Variants in PRDM5 observed in about 807,000 individuals in gnomAD.
The protein encoded by PRDM5 is PR/SET domain 5.
PRDM5 carries 56 observed loss-of-function variants against 81.2 expected under a neutral mutation model. The observed-to-expected ratio is 0.69, with a 90% confidence interval of 0.56 to 0.86. The LOEUF is 0.86. PRDM5 is among the 40% of genes least tolerant of loss of function. PRDM5 has a pLI of 0.00. For synonymous variants in PRDM5, 267 were observed against 256.4 expected (o/e 1.04, Z -0.39); for missense variants, 697 against 770.1 (o/e 0.91, Z 1.12).
At chr4:120,880,174 A>G (rs1762710780) in intron 2 of PRDM5, among the ~76,000 whole-genome samples, 1 of 152,198 alleles carries the variant, frequency 6.6e-6, no homozygotes, top group Non-Finnish European at 1.5e-5. Context: ...ATATACTTCA[A>G]AAAACAAAGT....
chr4:120,903,825 C>G (rs1380296391), intron 2 of PRDM5, among the ~76,000 whole-genome samples: 2 of 152,164 alleles, frequency 1.3e-5, no homozygotes, highest in Non-Finnish European at 2.9e-5. Context: ...GTAAAACATG[C>G]CTCTGCTTCT....
intron 14 of PRDM5, among the ~76,000 whole-genome samples, chr4:120,747,273 G>A (rs929434851): frequency 1.5e-5 from 2 of 131,904 alleles, no homozygotes; most frequent in Non-Finnish European, 3.2e-5. Context: ...ATCACACTCT[G>A]GGGACTGTTG....
intron 14 of PRDM5, among the ~76,000 whole-genome samples, chr4:120,749,892 C>T (rs1252712062): frequency 6.6e-6 from 1 of 152,114 alleles, no homozygotes; most frequent in East Asian, 1.9e-4. Flanking sequence ...CTTTCTCATG[C>T]CCCAAACCTT....
chr4:120,917,659 C>A (rs1394635718), intron 1 of PRDM5, among the ~76,000 whole-genome samples: 3 of 133,134 alleles, frequency 2.3e-5, no homozygotes, highest in Admixed American at 8.2e-5. Flanking sequence ...ACATCCACAG[C>A]ATAGACTATA....
intron 8 of PRDM5, among the ~76,000 whole-genome samples, chr4:120,809,591 A>C (rs1036969852): frequency 6.6e-6 from 1 of 152,224 alleles, no homozygotes. Flanking sequence ...ATTTTCAAGA[A>C]GAATCATAAT....
chr4:120,721,280 C>G (rs1041248277), intron 14 of PRDM5, among the ~76,000 whole-genome samples: 3 of 152,142 alleles, frequency 2.0e-5, no homozygotes, highest in African/African-American at 7.2e-5. Context: ...GGACTTCAAC[C>G]CTGCCTGCAC....
intron 2 of PRDM5, among the ~76,000 whole-genome samples, chr4:120,888,813 G>A (rs916292916): frequency 2.6e-5 from 4 of 152,156 alleles, no homozygotes; most frequent in Admixed American, 2.0e-4. Context: ...GGCATCTTGC[G>A]CTTTTGATTC....
intron 13 of PRDM5, among the ~76,000 whole-genome samples, chr4:120,769,071 T>A (rs1226712432): frequency 6.6e-6 from 1 of 152,174 alleles, no homozygotes; most frequent in Non-Finnish European, 1.5e-5. Context: ...TGTGAAAAAA[T>A]AATTTTATGG....
chr4:120,801,184 G>A (rs924813851), intron 8 of PRDM5, among the ~76,000 whole-genome samples: 2 of 152,124 alleles, frequency 1.3e-5, no homozygotes, highest in African/African-American at 2.4e-5. Context: ...AGAAGTAAAC[G>A]CCCTTGTGCA....
intron 2 of PRDM5, among the ~76,000 whole-genome samples, chr4:120,905,515 T>G (rs958026944): frequency 1.5e-4 from 23 of 152,294 alleles, no homozygotes; most frequent in Admixed American, 1.3e-3. Context: ...CCATAACATG[T>G]GTGGCCCTCA....
chr4:120,920,279 T>C (rs1247835484), intron 1 of PRDM5, among the ~76,000 whole-genome samples: 1 of 152,252 alleles, frequency 6.6e-6, no homozygotes, highest in Non-Finnish European at 1.5e-5. Flanking sequence ...TACAAGCATA[T>C]GTGTTATAAA....
intron 13 of PRDM5, among the ~76,000 whole-genome samples, chr4:120,775,384 T>C (rs1182378239): frequency 6.6e-6 from 1 of 152,158 alleles, no homozygotes; most frequent in African/African-American, 2.4e-5. Context: ...GTAAGTGCTT[T>C]ATTCTTCTCC....
intron 8 of PRDM5, among the ~76,000 whole-genome samples, chr4:120,806,648 G>A (rs1442159368): frequency 6.6e-6 from 1 of 152,138 alleles, no homozygotes; most frequent in Admixed American, 6.6e-5. Flanking sequence ...CTAGCCATAG[G>A]TAGAAAGCTG....
chr4:120,838,202 T>C (rs904071118), intron 3 of PRDM5: 2 of 152,210 alleles, frequency 1.3e-5, no homozygotes, highest in African/African-American at 4.8e-5. Flanking sequence ...TAAAGTACCA[T>C]AGACAATAGC....
intron 13 of PRDM5, among the ~76,000 whole-genome samples, chr4:120,764,805 T>G (rs1360846840): frequency 6.6e-6 from 1 of 152,228 alleles, no homozygotes; most frequent in Non-Finnish European, 1.5e-5. Flanking sequence ...TCAACGTTTC[T>G]GTTAACTCTT....
intron 2 of PRDM5, among the ~76,000 whole-genome samples, chr4:120,857,141 A>C (rs1280647046): frequency 6.6e-6 from 1 of 152,230 alleles, no homozygotes; most frequent in Non-Finnish European, 1.5e-5. Flanking sequence ...AGATCACCTG[A>C]GGGTAGGAGT....
intron 14 of PRDM5, among the ~76,000 whole-genome samples, chr4:120,721,791 G>T (rs1738644516): frequency 6.6e-6 from 1 of 152,248 alleles, no homozygotes; most frequent in Non-Finnish European, 1.5e-5. Context: ...CGAGTCTACA[G>T]CGCAGGTGTA....
intron 14 of PRDM5, among the ~76,000 whole-genome samples, chr4:120,748,913 G>C (rs1262457691): frequency 6.6e-6 from 1 of 152,112 alleles, no homozygotes; most frequent in Non-Finnish European, 1.5e-5. Context: ...CTAAATAGGG[G>C]TGCTTCCCTG....
At chr4:120,907,382 C>T in intron 2 of PRDM5, 92 bp downstream of exon 2, 2 of 899,648 alleles carry the variant, frequency 2.2e-6, no homozygotes, top group East Asian at 2.8e-5. Context: ...AAATACTTAA[C>T]TGGAATCAAT....
Sources: gnomAD v4.1 joint callset for allele counts (sites outside exome capture counted in the v4.1 genomes callset) on GRCh38, gnomAD v4.1.1 for gene constraint, MANE v1.5 for transcripts, NCBI Gene and HGNC (gene_info 2026-07-23, HGNC 2026-07-21) for gene names.